Variants in ZNF790 observed in about 807,000 individuals in gnomAD.
The protein encoded by ZNF790 is zinc finger protein 790.
ZNF790 carries 8 observed loss-of-function variants against 12.1 expected under a neutral mutation model. The ratio of observed to expected loss-of-function variants is 0.66; its 90% confidence interval spans 0.39 to 1.19. The LOEUF is 1.19. Among genes scored for constraint, ZNF790 ranks in the 50% most tolerant of loss-of-function variants. The pLI, the probability that ZNF790 is intolerant of heterozygous loss-of-function variation, is 0.01. For missense variants in ZNF790, 707 were observed against 752.2 expected (o/e 0.94, Z 0.70); for synonymous variants, 252 against 244.3 (o/e 1.03, Z -0.29).
intron 1 of ZNF790, among the ~76,000 whole-genome samples, chr19:36,833,030 T>C (rs912595109): frequency 1.3e-5 from 2 of 151,096 alleles, no homozygotes; most frequent in Non-Finnish European, 2.9e-5. Context: ...AAATGTCAAT[T>C]AAATTTCAAC....
At chr19:36,842,334 T>C (rs981301244), upstream of ZNF790, among the ~76,000 whole-genome samples, 1 of 152,096 alleles carries the variant, frequency 6.6e-6, no homozygotes, top group African/African-American at 2.4e-5. Flanking sequence ...AATAAAAAGA[T>C]AGATACCAGG....
At chr19:36,826,659 C>T (rs2071810931) in intron 1 of ZNF790, among the ~76,000 whole-genome samples, 1 of 146,954 alleles carries the variant, frequency 6.8e-6, no homozygotes, top group African/African-American at 2.5e-5. Flanking sequence ...TATATATATG[C>T]CTCTCTGAAT....
At chr19:36,828,774 C>T (rs544809858) in intron 1 of ZNF790, among the ~76,000 whole-genome samples, 2 of 152,310 alleles carry the variant, frequency 1.3e-5, no homozygotes, top group East Asian at 1.9e-4. Flanking sequence ...CCACCATGTC[C>T]AGCCAAAAAC....
At chr19:36,820,356 T>A (rs1439281639) in intron 4 of ZNF790, among the ~76,000 whole-genome samples, 1 of 152,128 alleles carries the variant, frequency 6.6e-6, no homozygotes, top group Non-Finnish European at 1.5e-5. Context: ...AGGAGCTCAA[T>A]AAAAAATGAT....
At chr19:36,833,412 G>A (rs1205406613) in intron 1 of ZNF790, among the ~76,000 whole-genome samples, 1 of 152,110 alleles carries the variant, frequency 6.6e-6, no homozygotes, top group Non-Finnish European at 1.5e-5. Flanking sequence ...CAAAGTGCTG[G>A]GAATACAGGC....
intron 1 of ZNF790, among the ~76,000 whole-genome samples, chr19:36,835,020 G>A (rs545750355): frequency 6.6e-6 from 1 of 152,314 alleles, no homozygotes; most frequent in South Asian, 2.1e-4. Flanking sequence ...GTGCACGGTG[G>A]CTCACACCTG....
At chr19:36,825,242 C>T (rs750196827) in intron 2 of ZNF790, among the ~76,000 whole-genome samples, 5 of 152,240 alleles carry the variant, frequency 3.3e-5, no homozygotes, top group Admixed American at 1.3e-4. Flanking sequence ...TTAAATGAAA[C>T]ATCCCATTCT....
chr19:36,832,945 C>T (rs374702109), intron 1 of ZNF790, among the ~76,000 whole-genome samples: 1 of 144,118 alleles, frequency 6.9e-6, no homozygotes, highest in Non-Finnish European at 1.5e-5. Context: ...GAGTTTGAGG[C>T]CAGATTAAGC....
intron 4 of ZNF790, among the ~76,000 whole-genome samples, chr19:36,821,691 C>A (rs2071676172): frequency 6.6e-6 from 1 of 152,134 alleles, no homozygotes; most frequent in African/African-American, 2.4e-5. Context: ...TCAAGCGATT[C>A]TCCTGCCTCA....
At position 36,823,863 on chromosome 19, in the gene ZNF790, G is replaced by T. The variant is rs540087461; in HGVS notation, c.10-73C>A. The T allele has an allele frequency of 2.6e-3, 3,662 of 1,418,240 alleles. 9 individuals carry two copies. Among genetic ancestry groups the T allele is most frequent in the Non-Finnish European group, 3.2e-3 (3,371 of 1,062,092 alleles). 87.9% of individuals were successfully genotyped at this position (1,418,240 alleles called of 1,614,324 possible). On this transcript the variant is annotated intron_variant, in intron 2 of 4. Transcript: ENST00000356725. ...TAATTATAATCCCTATAGATGAAAG[G>T]GGAAAGGCTGGAAAGGGGCACTGCA...
In ZNF790 at chr19:36,821,924, AC is replaced by A. The variant is rs978180897; in HGVS notation, c.229+1360del. ...TATGACACTGTGTTCTTCTCGTTGTACTTCATAAGCCCTAACCTTTCTTCTG... is the reference window on the plus strand; with the variant it reads ...TATGACACTGTGTTCTTCTCGTTGTATTCATAAGCCCTAACCTTTCTTCTG... On this transcript the variant is annotated intron_variant, in intron 4 of 4. Coordinates refer to ENST00000356725, the MANE Select transcript of ZNF790 (RefSeq NM_206894.4). 5.3e-5 allele frequency among the ~76,000 whole-genome samples: 8 copies of A among 152,146 alleles called. No homozygotes were observed. The East Asian group carries it at 1.4e-3, about 26-fold the overall frequency.
chr19:36,844,369 A>C (rs1385300668), intron 1 of ZNF790, among the ~76,000 whole-genome samples: 1 of 152,026 alleles, frequency 6.6e-6, no homozygotes, highest in African/African-American at 2.4e-5. Flanking sequence ...CCAAACTCCA[A>C]ACAACAAACA....
In ZNF790 at chr19:36,832,000, AG is replaced by A. The variant is rs201277346; in HGVS notation, c.-73-6309del. Among the ~76,000 whole-genome samples, 351 of 152,348 alleles carry A rather than the reference AG, an allele frequency of 2.3e-3. 10 individuals carry two copies. The highest frequency in any genetic ancestry group is 0.02 in the Admixed American group (300 of 15,304). On this transcript the variant is annotated intron_variant, in intron 1 of 4. Coordinates refer to ENST00000356725, the MANE Select transcript of ZNF790 (RefSeq NM_206894.4). ...CAGTGCTAAATTCAGTACCCCAAAC[AG>A]TGGGGTAAATCTTCCAATATACTTG...
intron 4 of ZNF790, among the ~76,000 whole-genome samples, chr19:36,822,660 C>T (rs2071699807): frequency 6.6e-6 from 1 of 152,188 alleles, no homozygotes; most frequent in Non-Finnish European, 1.5e-5. Flanking sequence ...CCTGCCTCAG[C>T]CTCCCGAGTA....
chr19:36,819,403 T>C lies in ZNF790; in HGVS notation c.941A>G (p.Glu314Gly). 6.2e-7 allele frequency: 1 copy of C among 1,612,432 alleles called. No individual in the cohort carries two copies. Among genetic ancestry groups the C allele is most frequent in the Middle Eastern group, 1.7e-4 (1 of 6,046 alleles). Residue 314 changes from glutamate to glycine, a missense_variant, in exon 5 of 5, where the codon GAA (glutamate) becomes GGA (glycine). Glu to Gly is a moderately conservative substitution (Grantham distance 98, BLOSUM62 -2). Coordinates refer to ENST00000356725, the MANE Select transcript of ZNF790 (RefSeq NM_206894.4). ...TCGCTGACTAAAGGCCTTTCTACAT[T>C]CATTACATTCATAGGGTTTTTCACC... ...HTGEKPYECNECRKAFSQRSH... is the reference protein window; with the variant it reads ...HTGEKPYECNGCRKAFSQRSH...
At chr19:36,830,867 C>A (rs1600663165) in intron 1 of ZNF790, among the ~76,000 whole-genome samples, 1 of 152,284 alleles carries the variant, frequency 6.6e-6, no homozygotes, top group South Asian at 2.1e-4. Context: ...TAGGCTGGTG[C>A]AGTGGCTCAC....
chr19:36,823,523 CTGA>C, intron 3 of ZNF790, 141 bp downstream of exon 3: 1 of 1,262,862 alleles, frequency 7.9e-7, no homozygotes, highest in Non-Finnish European at 1.1e-6. Flanking sequence ...GAAGTGCCCA[CTGA>C]TGATAACTAT....
At chr19:36,849,794 A>G (rs2072225356) in intron 1 of ZNF790, among the ~76,000 whole-genome samples, 1 of 151,474 alleles carries the variant, frequency 6.6e-6, no homozygotes, top group Non-Finnish European at 1.5e-5. Flanking sequence ...TCCATACACG[A>G]TCTTGCCCCC....
intron 1 of ZNF790, among the ~76,000 whole-genome samples, chr19:36,845,047 C>CA (rs10611049): frequency 0.59 from 20,523 of 34,754 alleles, 8,331 homozygotes; most frequent in Non-Finnish European, 0.79. Flanking sequence ...GACTCCGTCT[C>CA]AAAAAAAAAA....
Sources: allele counts gnomAD v4.1 joint callset (sites outside exome capture counted in the v4.1 genomes callset), GRCh38; gene constraint gnomAD v4.1.1; transcripts MANE v1.5; gene names NCBI Gene and HGNC (gene_info 2026-07-23, HGNC 2026-07-21).